The following IMPG2 variants were observed in gnomAD, a reference collection of about 807,000 sequenced individuals.
The protein encoded by IMPG2 is interphotoreceptor matrix proteoglycan 2, also known as IPM 200.
A neutral mutation model predicts 129.2 loss-of-function variants in IMPG2; 91 were observed. The observed-to-expected ratio is 0.70, with a 90% CI of 0.59 to 0.84. The LOEUF is 0.84. Ranked by LOEUF, IMPG2 falls within the 40% of genes least tolerant of loss-of-function variation. The pLI, the probability that IMPG2 is intolerant of heterozygous loss-of-function variation, is 0.00. For synonymous variants in IMPG2, 510 were observed against 517.7 expected, an observed-to-expected ratio of 0.99 and a Z score of 0.20; for missense variants, 1,430 against 1,461.7, an observed-to-expected ratio of 0.98 and a Z score of 0.35.
In IMPG2 at chr3:101,222,817, A is replaced by G. The variant is rs1706178593; in HGVS notation, c.*4152T>C. ...ACTGTATGTACACTATTGCTTAAGT[A>G]TCATCACATAGTCCTGATATATGAA... On this transcript the variant is annotated 3_prime_UTR_variant, in exon 19 of 19. Coordinates refer to ENST00000193391, the MANE Select transcript of IMPG2 (RefSeq NM_016247.4). The G allele has an allele frequency of 6.6e-6, 1 of 152,222 alleles. No individual in the cohort carries two copies. The highest frequency in any genetic ancestry group is 2.1e-4 in the South Asian group (1 of 4,828). 9.4% of individuals were successfully genotyped at this position (152,222 alleles called of 1,614,324 possible). A position where few individuals can be genotyped will look rare whatever the true frequency, so the allele number is the denominator to read the frequency against.
intron 14 of IMPG2, among the ~76,000 whole-genome samples, chr3:101,238,479 G>A (rs1277607091): frequency 2.6e-5 from 4 of 152,108 alleles, no homozygotes; most frequent in Non-Finnish European, 5.9e-5. Context: ...GAAAGGTCGG[G>A]TTACCCACAA....
intron 11 of IMPG2, among the ~76,000 whole-genome samples, chr3:101,248,860 A>G (rs1056021712): frequency 5.9e-5 from 9 of 152,170 alleles, no homozygotes; most frequent in African/African-American, 2.2e-4. Context: ...CCACCACTTC[A>G]GATCCTTCTC....
chr3:101,317,750 T>C (rs1393120640), intron 2 of IMPG2, among the ~76,000 whole-genome samples: 2 of 152,128 alleles, frequency 1.3e-5, no homozygotes, highest in African/African-American at 4.8e-5. Context: ...AAATCAATTA[T>C]TCTAGGAATG....
At chr3:101,250,470 A>C (rs1413360662) in intron 11 of IMPG2, among the ~76,000 whole-genome samples, 2 of 152,214 alleles carry the variant, frequency 1.3e-5, no homozygotes, top group African/African-American at 4.8e-5. Context: ...CACATTTTAC[A>C]CTTAGAAGGA....
At chr3:101,310,206 C>T (rs1707247191) in intron 2 of IMPG2, among the ~76,000 whole-genome samples, 1 of 152,126 alleles carries the variant, frequency 6.6e-6, no homozygotes. Flanking sequence ...TAATGATACT[C>T]ATACTGAAAT....
chr3:101,234,080 G>A (rs1276019276), intron 14 of IMPG2, among the ~76,000 whole-genome samples: 1 of 151,188 alleles, frequency 6.6e-6, no homozygotes, highest in African/African-American at 2.4e-5. Flanking sequence ...GTTGAATAGT[G>A]TCCCCAGAAG....
At chr3:101,261,181 T>C (rs1201548463) in intron 9 of IMPG2, among the ~76,000 whole-genome samples, 1 of 152,094 alleles carries the variant, frequency 6.6e-6, no homozygotes, top group Non-Finnish European at 1.5e-5. Flanking sequence ...CATATCTACC[T>C]CTCCAGAAAG....
intron 16 of IMPG2, 115 bp from the exon 17 acceptor site, chr3:101,229,705 G>A (rs1559638817): frequency 2.3e-6 from 2 of 874,020 alleles, no homozygotes; most frequent in East Asian, 5.3e-5. Context: ...TTACACAAAT[G>A]GTGGGACATA....
intron 4 of IMPG2, among the ~76,000 whole-genome samples, chr3:101,287,841 T>C (rs932724466): frequency 1.3e-5 from 2 of 152,060 alleles, no homozygotes; most frequent in Admixed American, 6.6e-5. Context: ...GCAAAGAATT[T>C]ATGGCCAAGC....
rs908791534 is a variant in IMPG2 at position 101,243,664 on chromosome 3, G to A, written c.2667C>T (p.Asp889=). The A allele has an allele frequency of 1.2e-6, 2 of 1,614,030 alleles. No individual in the cohort carries two copies. Among genetic ancestry groups the A allele is most frequent in the Non-Finnish European group, 8.5e-7 (1 of 1,179,972 alleles). Residue 889 remains aspartate (D), a synonymous_variant, in exon 13 of 19, where the codon GAC becomes GAT. Transcript: ENST00000193391. The stretch of plus-strand genomic sequence containing the variant: ...CTCCTGAAGTCTGGGTATAACTCAA[G>A]TCATCTCCTCCTTCTGTGGGCCAAG... ...SVAWPTEGGD[D]LSYTQTSGAL...
rs182161196 is a variant in IMPG2 at position 101,288,571 on chromosome 3, G to T, written c.533+2908C>A. Among the ~76,000 whole-genome samples, 6 of 152,270 alleles carry T rather than the reference G, an allele frequency of 3.9e-5. No individual in the cohort carries two copies. The East Asian group carries it at 1.2e-3, about 29-fold the overall frequency. ...TGCAGCAACTTGGATGGAATTGGAGGCCATAATCCTAAGTGAATTAATGTA... is the reference window on the plus strand; with the variant it reads ...TGCAGCAACTTGGATGGAATTGGAGTCCATAATCCTAAGTGAATTAATGTA... On this transcript the variant is annotated intron_variant, in intron 4 of 18. Transcript: ENST00000193391.
intron 4 of IMPG2, among the ~76,000 whole-genome samples, chr3:101,289,068 G>T (rs1421336157): frequency 1.3e-5 from 2 of 152,122 alleles, no homozygotes; most frequent in Non-Finnish European, 2.9e-5. Context: ...ACCTATTAGG[G>T]TTACAAAAAT....
chr3:101,236,748 A>G (rs348859), intron 14 of IMPG2, among the ~76,000 whole-genome samples: 121,907 of 152,096 alleles, frequency 0.8, 48,886 homozygotes, highest in Admixed American at 0.83. Context: ...TAGGGCCCTC[A>G]GTTTCAAGCA....
chr3:101,262,561 A>T (rs1026316239), intron 9 of IMPG2, among the ~76,000 whole-genome samples: 3 of 152,004 alleles, frequency 2.0e-5, no homozygotes, highest in African/African-American at 7.2e-5. Flanking sequence ...GGCTGACTAG[A>T]GACACCTGGT....
Position 101,226,242 on chromosome 3 carries a change from T to TATAC in IMPG2, c.*726_*727insGTAT, listed in dbSNP as rs1706221383. ...TCTAAACTTTATATATATATATATA[T>TATAC]ATATATATATATATATATATATATA... On this transcript the variant is annotated 3_prime_UTR_variant, in exon 19 of 19. Transcript: ENST00000193391. 8.0e-5 allele frequency: 1 copy of TATAC among 12,464 alleles called. No individual in the cohort carries two copies. Among genetic ancestry groups the TATAC allele is most frequent in the African/African-American group, 2.2e-4 (1 of 4,632 alleles). 0.8% of individuals were successfully genotyped at this position (12,464 alleles called of 1,614,324 possible).
chr3:101,319,787 G>A lies in IMPG2; in HGVS notation c.131C>T (p.Ala44Val). 1 of 1,613,050 alleles carries A rather than the reference G, an allele frequency of 6.2e-7. No homozygotes were observed. Among genetic ancestry groups the A allele is most frequent in the Non-Finnish European group, 8.5e-7 (1 of 1,179,518 alleles). The change falls in exon 2 of 19, where the codon GCA becomes GTA. Residue 44 changes from alanine to valine, a missense_variant. Coordinates refer to ENST00000193391, the MANE Select transcript of IMPG2 (RefSeq NM_016247.4). ...TTCTTCAGGCAGGAGAAAAGAAACT[G>A]CACTCTTGGGTTCTTGGATCTCCTC... The part of the protein sequence containing the change: ...SIEEIQEPKS[A>V]VSFLLPEEST...
intron 4 of IMPG2, among the ~76,000 whole-genome samples, chr3:101,288,324 T>C (rs1010683446): frequency 6.6e-6 from 1 of 152,168 alleles, no homozygotes; most frequent in Admixed American, 6.5e-5. Context: ...AGTTTGGAGA[T>C]TTCTCAAAGA....
At chr3:101,235,792 T>C (rs1706339329) in intron 14 of IMPG2, among the ~76,000 whole-genome samples, 1 of 152,150 alleles carries the variant, frequency 6.6e-6, no homozygotes, top group Non-Finnish European at 1.5e-5. Flanking sequence ...TTAATTACAA[T>C]CTGGTTTTCT....
chr3:101,257,648 G>A lies in IMPG2; in HGVS notation c.1034C>T (p.Pro345Leu), dbSNP rs770370339. ...GTTACTGATTGTATAAACAACAGTG[G>A]GTTTATCATCCAGTTCCACAAGGCC... ...NHGLVELDDK[P>L]TVVYTISNFR... Residue 345 changes from proline (P) to leucine (L), a missense_variant, in exon 10 of 19, where the codon CCC becomes CTC. By Grantham distance (98) the Pro-to-Leu change is moderately conservative. Coordinates refer to ENST00000193391, the MANE Select transcript of IMPG2 (RefSeq NM_016247.4). 7.4e-6 allele frequency: 12 copies of A among 1,613,214 alleles called. No individual in the cohort carries two copies. In the South Asian group the frequency reaches 1.3e-4, roughly 18 times the overall value.
Sources: gnomAD v4.1 joint callset for allele counts (sites outside exome capture counted in the v4.1 genomes callset) on GRCh38, gnomAD v4.1.1 for gene constraint, MANE v1.5 for transcripts, NCBI Gene and HGNC (gene_info 2026-07-23, HGNC 2026-07-21) for gene names.